Variants in ALS2 observed in about 807,000 individuals in gnomAD.
ALS2 encodes the protein alsin Rho guanine nucleotide exchange factor ALS2, also known as alsin.
In ALS2, 117 loss-of-function variants were observed where a neutral mutation model predicts 203.4. The ratio of observed to expected loss-of-function variants is 0.58; its 90% CI spans 0.50 to 0.67. The LOEUF (loss-of-function observed/expected upper bound fraction) is 0.67, where lower values mean the gene tolerates loss of function less well. Among genes scored for constraint, ALS2 ranks in the 30% least tolerant of loss-of-function variants. The pLI is 0.00. For missense variants in ALS2, 1,715 were observed against 1,989.4 expected, an observed-to-expected ratio of 0.86 and a Z score of 2.62; for synonymous variants, 718 against 725.9, an observed-to-expected ratio of 0.99 and a Z score of 0.17.
chr2:201,728,356 T>G (rs751903201), intron 15 of ALS2, among the ~76,000 whole-genome samples, 156 bp downstream of exon 15: 1 of 152,218 alleles, frequency 6.6e-6, no homozygotes, highest in South Asian at 2.1e-4. Context: ...TTTGGTTTTT[T>G]GTCCTTGCTA....
At chr2:201,728,445 T>G (rs543070688) in intron 15 of ALS2, 67 bp downstream of exon 15, 61 of 1,569,466 alleles carry the variant, frequency 3.9e-5, no homozygotes, top group Admixed American at 3.2e-4. Context: ...CATAAACTGA[T>G]AGTACAGTTA....
Position 201,775,741 on chromosome 2 carries a change from C to A in ALS2, c.-61+5136G>T, listed in dbSNP as rs147345404. Among the ~76,000 whole-genome samples, 97 of 151,990 alleles carry A rather than the reference C, an allele frequency of 6.4e-4. No individual in the cohort carries two copies. In the East Asian group the frequency reaches 0.017, roughly 26 times the overall value. On this transcript the variant is annotated intron_variant, in intron 1 of 33. Transcript: ENST00000264276. ...CATTGCCTGATACCAGTATGGGAGCCAATGAGCCTTCAAATCTTGACTCAG... is the reference window on the plus strand; with the variant it reads ...CATTGCCTGATACCAGTATGGGAGCAAATGAGCCTTCAAATCTTGACTCAG...
At chr2:201,777,189 G>A (rs1694700266) in intron 1 of ALS2, among the ~76,000 whole-genome samples, 1 of 152,000 alleles carries the variant, frequency 6.6e-6, no homozygotes, top group African/African-American at 2.4e-5. Flanking sequence ...TACTTCCAGA[G>A]TTCATGATTG....
chr2:201,737,901 G>A (rs1414613657), intron 12 of ALS2, among the ~76,000 whole-genome samples: 2 of 151,610 alleles, frequency 1.3e-5, no homozygotes, highest in Non-Finnish European at 2.9e-5. Context: ...CAGCCTGGAT[G>A]ACAGAGCGAG....
Position 201,753,131 on chromosome 2 carries a change from T to C in ALS2, c.1737+15A>G, listed in dbSNP as rs1358145325. On this transcript the variant is annotated intron_variant, in intron 7 of 33. Transcript: ENST00000264276. ...CATGAAAATAAGGTAAAGCATTTAA[T>C]AGTTTGCCTCCTACCTGGGATTTCG... 6.2e-7 allele frequency: 1 copy of C among 1,604,698 alleles called. No individual in the cohort carries two copies. The highest frequency in any genetic ancestry group is 1.7e-5 in the Admixed American group (1 of 59,982).
At chr2:201,715,895 A>G (rs951236215) in intron 24 of ALS2, 56 bp from the exon 25 acceptor site, 1 of 1,602,406 alleles carries the variant, frequency 6.2e-7, no homozygotes, top group Admixed American at 1.7e-5. Flanking sequence ...AAATTGTTCC[A>G]AAGAACAGAA....
At position 201,761,832 on chromosome 2, in the gene ALS2, AAAAG is replaced by A. The variant is rs1216564605; in HGVS notation, c.176-18_176-15del. ...AGACCTCACCATCTGAAGGTTAAAAAAAAGAAAAAAGAAAAAAAAAAGGGTTAGT... is the reference window on the plus strand; with the variant it reads ...AGACCTCACCATCTGAAGGTTAAAAAAAAAAAGAAAAAAAAAAGGGTTAGT... On this transcript the variant is annotated splice_polypyrimidine_tract_variant and intron_variant, in intron 3 of 33. Transcript: ENST00000264276. The A allele has an allele frequency of 6.2e-7, 1 of 1,612,274 alleles. No individual in the cohort carries two copies. The highest frequency in any genetic ancestry group is 8.5e-7 in the Non-Finnish European group (1 of 1,179,596).
chr2:201,763,141 T>C, intron 3 of ALS2: 1 of 217,560 alleles, frequency 4.6e-6, no homozygotes, highest in South Asian at 7.4e-5. Context: ...AGGTGGCCAC[T>C]GCCATCCAAG....
intron 31 of ALS2, 120 bp from the exon 32 acceptor site, chr2:201,704,723 A>G: frequency 8.8e-7 from 1 of 1,142,178 alleles, no homozygotes; most frequent in Admixed American, 1.8e-5. Flanking sequence ...ACACTTAGGC[A>G]TTATGAGTCG....
chr2:201,703,700 T>A (rs1340164612), intron 33 of ALS2, among the ~76,000 whole-genome samples: 1 of 152,210 alleles, frequency 6.6e-6, no homozygotes, highest in Non-Finnish European at 1.5e-5. Flanking sequence ...TTGGTTACAG[T>A]AAATACAAGG....
intron 19 of ALS2, 49 bp from the exon 20 acceptor site, chr2:201,725,503 T>C (rs777358877): frequency 3.5e-6 from 5 of 1,444,478 alleles, no homozygotes; most frequent in Non-Finnish European, 1.9e-6. Context: ...TTATGACATA[T>C]TCACCTTTTG....
Position 201,709,870 on chromosome 2 carries a change from A to G in ALS2, c.4280+11T>C. 6.2e-7 allele frequency: 1 copy of G among 1,613,962 alleles called. No individual in the cohort carries two copies. Among genetic ancestry groups the G allele is most frequent in the Non-Finnish European group, 8.5e-7 (1 of 1,179,948 alleles). ...CCATAGCCCGCAGACTTTAGTGAAAAGCTCTCTTACCTCACCAGCTGGAAA... is the reference window on the plus strand; with the variant it reads ...CCATAGCCCGCAGACTTTAGTGAAAGGCTCTCTTACCTCACCAGCTGGAAA... On this transcript the variant is annotated intron_variant, in intron 27 of 33. Transcript: ENST00000264276.
intron 9 of ALS2, among the ~76,000 whole-genome samples, chr2:201,744,850 A>C (rs527458108): frequency 2.0e-5 from 3 of 152,218 alleles, no homozygotes; most frequent in Non-Finnish European, 4.4e-5. Flanking sequence ...GAGTAAAATA[A>C]GATTAATGAG....
At chr2:201,728,083 T>C (rs934557879) in intron 15 of ALS2, among the ~76,000 whole-genome samples, 9 of 152,186 alleles carry the variant, frequency 5.9e-5, no homozygotes, top group Non-Finnish European at 8.8e-5. Flanking sequence ...GTAGCTAAAA[T>C]AGCCTCTTTT....
rs564838488 is a variant in ALS2, at chr2:201,763,932, A to C, written c.176-2114T>G. On this transcript the variant is annotated intron_variant, in intron 3 of 33. Transcript: ENST00000264276. ...TGACCAGAGATTTATGATTTTTTTT[A>C]ATTAATGAAGAAATAAGCACTGTTT... 5.3e-5 allele frequency among the ~76,000 whole-genome samples: 8 copies of C among 152,334 alleles called. No individual in the cohort carries two copies. In the South Asian group the frequency reaches 1.7e-3, roughly 32 times the overall value.
In ALS2 at chr2:201,729,139, A is replaced by G. The variant is rs1220584728; in HGVS notation, c.2625T>C (p.Tyr875=). The change falls in exon 14 of 34, where the codon TAT becomes TAC. Residue 875 remains tyrosine (Y), a synonymous_variant. Transcript: ENST00000264276. ...YQKLQDSSSC[Y]ECLALHLGRK... ...TGCCGAGATGGAGAGCAAGACACTC[A>G]TAACAAGAACTGGAATCCTGCAGTT... 2 of 1,614,098 alleles carry G rather than the reference A, an allele frequency of 1.2e-6. No homozygotes were observed. The highest frequency in any genetic ancestry group is 2.2e-5 in the South Asian group (2 of 91,078).
intron 31 of ALS2, 146 bp downstream of exon 31, chr2:201,704,993 T>A: frequency 1.2e-6 from 1 of 869,298 alleles, no homozygotes; most frequent in Middle Eastern, 2.3e-4. Flanking sequence ...TCATTCTGAT[T>A]TCTGATTTCC....
rs1438260324 is a variant in ALS2 at position 201,700,446 on chromosome 2, C to T, written c.*1405G>A. ...CCCAGAGGGACTTTTGAGGCCAATA[C>T]TTAGAGGCATGGATTACAATGTGGG... On this transcript the variant is annotated 3_prime_UTR_variant, in exon 34 of 34. Coordinates refer to ENST00000264276, the MANE Select transcript of ALS2 (RefSeq NM_020919.4). 6.6e-6 allele frequency: 1 copy of T among 152,544 alleles called. No individual in the cohort carries two copies. Among genetic ancestry groups the T allele is most frequent in the South Asian group, 2.1e-4 (1 of 4,832 alleles). The allele number at this position is 152,544 out of a possible 1,614,324, so 9.4% of individuals were successfully genotyped here.
chr2:201,748,419 TGAC>T (rs1692812667), intron 8 of ALS2, among the ~76,000 whole-genome samples: 1 of 152,214 alleles, frequency 6.6e-6, no homozygotes, highest in Non-Finnish European at 1.5e-5. Context: ...TTAATCAGGA[TGAC>T]TTCAAAAATG....
Sources: gnomAD v4.1 joint callset for allele counts (sites outside exome capture counted in the v4.1 genomes callset) on GRCh38, gnomAD v4.1.1 for gene constraint, MANE v1.5 for transcripts, NCBI Gene and HGNC (gene_info 2026-07-23, HGNC 2026-07-21) for gene names.